Variants in NALF1 observed in about 807,000 individuals in gnomAD.
The protein encoded by NALF1 is NALCN channel auxiliary factor 1.
Under a neutral mutation model 48.4 loss-of-function variants are expected in NALF1, and 3 were observed. The observed-to-expected ratio is 0.06, with a 90% CI of 0.03 to 0.16. The LOEUF is 0.16. NALF1 is among the 10% of genes least tolerant of loss of function. NALF1 has a pLI of 1.00. For missense variants in NALF1, 526 were observed against 571.5 expected (o/e 0.92, Z 0.81); for synonymous variants, 262 against 245.7 (o/e 1.07, Z -0.62).
At chr13:107,248,447 A>G (rs920399445) in intron 1 of NALF1, among the ~76,000 whole-genome samples, 9 of 151,838 alleles carry the variant, frequency 5.9e-5, no homozygotes, top group Non-Finnish European at 1.2e-4. Flanking sequence ...TAATCCATTC[A>G]TAAACCTAAA....
intron 1 of NALF1, among the ~76,000 whole-genome samples, chr13:107,859,672 G>T (rs1465173194): frequency 1.3e-5 from 2 of 152,120 alleles, no homozygotes; most frequent in Non-Finnish European, 2.9e-5. Context: ...GAAGGCCGAG[G>T]TGGGTGGATC....
intron 1 of NALF1, among the ~76,000 whole-genome samples, chr13:107,485,355 TC>T (rs1235281480): frequency 6.6e-6 from 1 of 152,146 alleles, no homozygotes; most frequent in Non-Finnish European, 1.5e-5. Flanking sequence ...TCCCATCAGT[TC>T]CTTTCCTGTT....
At chr13:107,260,029 T>C (rs559140198) in intron 1 of NALF1, among the ~76,000 whole-genome samples, 12 of 152,302 alleles carry the variant, frequency 7.9e-5, no homozygotes, top group Admixed American at 6.5e-4. Context: ...GAGGCATAGC[T>C]CTGAAACATG....
intron 1 of NALF1, among the ~76,000 whole-genome samples, chr13:107,599,815 T>C (rs1002766187): frequency 2.6e-5 from 4 of 152,216 alleles, no homozygotes; most frequent in Admixed American, 1.3e-4. Context: ...ACAAGTTGTA[T>C]AGAGTATGTT....
At chr13:107,585,085 A>G (rs773812398) in intron 1 of NALF1, among the ~76,000 whole-genome samples, 1 of 152,198 alleles carries the variant, frequency 6.6e-6, no homozygotes, top group African/African-American at 2.4e-5. Context: ...CTTGCCTACC[A>G]TATTAAGATA....
chr13:107,398,529 T>G (rs1489575795), intron 1 of NALF1, among the ~76,000 whole-genome samples: 2 of 152,182 alleles, frequency 1.3e-5, no homozygotes, highest in African/African-American at 4.8e-5. Flanking sequence ...TATTCTTGGA[T>G]AGAATGAGTA....
chr13:107,457,179 T>C (rs541516109), intron 1 of NALF1, among the ~76,000 whole-genome samples: 1 of 152,290 alleles, frequency 6.6e-6, no homozygotes, highest in African/African-American at 2.4e-5. Context: ...TATTTTCGAA[T>C]AGTTTATGGT....
intron 1 of NALF1, among the ~76,000 whole-genome samples, chr13:107,659,245 C>T (rs766649643): frequency 5.3e-5 from 8 of 152,100 alleles, no homozygotes; most frequent in Non-Finnish European, 1.2e-4. Flanking sequence ...GAATCAGGAA[C>T]CATTTCTTTG....
chr13:107,299,335 G>A (rs1881788659), intron 1 of NALF1, among the ~76,000 whole-genome samples: 1 of 151,860 alleles, frequency 6.6e-6, no homozygotes, highest in Non-Finnish European at 1.5e-5. Context: ...GGAGGCTGAG[G>A]CAGGAGAATT....
intron 1 of NALF1, among the ~76,000 whole-genome samples, chr13:107,611,234 T>C (rs969727214): frequency 2.6e-5 from 4 of 151,996 alleles, no homozygotes; most frequent in African/African-American, 7.3e-5. Context: ...TGAAACGGAG[T>C]CCTCTGTCGG....
chr13:107,374,971 A>T (rs1883311618), intron 1 of NALF1, among the ~76,000 whole-genome samples: 2 of 152,226 alleles, frequency 1.3e-5, no homozygotes, highest in African/African-American at 4.8e-5. Context: ...AGAGCAGCAC[A>T]AAACAGACTA....
At chr13:107,826,407 T>G (rs1879522250) in intron 1 of NALF1, among the ~76,000 whole-genome samples, 1 of 152,082 alleles carries the variant, frequency 6.6e-6, no homozygotes, top group Non-Finnish European at 1.5e-5. Flanking sequence ...GTTCAAGAGC[T>G]GCCAAGCCCA....
At chr13:107,854,611 G>A (rs189675337) in intron 1 of NALF1, among the ~76,000 whole-genome samples, 7 of 152,212 alleles carry the variant, frequency 4.6e-5, no homozygotes, top group East Asian at 3.9e-4. Flanking sequence ...GGTGGCTCAC[G>A]CCTGTAATCT....
Position 107,690,634 on chromosome 13 carries a change from A to T in NALF1, c.915+175048T>A, listed in dbSNP as rs1232627149. On this transcript the variant is annotated intron_variant, in intron 1 of 2. Coordinates refer to ENST00000375915, the MANE Select transcript of NALF1 (RefSeq NM_001080396.3). Reference sequence around the variant, plus strand: ...TCAAGGTAGGATAGAGTGTTAATGGAAATAAAAATATCTTTTAGACTAGTT... The same window carrying T: ...TCAAGGTAGGATAGAGTGTTAATGGTAATAAAAATATCTTTTAGACTAGTT... Among the ~76,000 whole-genome samples the T allele has an allele frequency of 2.0e-5, 3 of 152,214 alleles. No homozygotes were observed. The East Asian group carries it at 5.8e-4, about 29-fold the overall frequency.
chr13:107,342,705 T>C (rs1312564561), intron 1 of NALF1, among the ~76,000 whole-genome samples: 1 of 152,196 alleles, frequency 6.6e-6, no homozygotes, highest in Non-Finnish European at 1.5e-5. Flanking sequence ...CATAAAATGT[T>C]TTATGTTAGC....
intron 1 of NALF1, among the ~76,000 whole-genome samples, chr13:107,366,106 A>G: frequency 6.6e-6 from 1 of 152,250 alleles, no homozygotes; most frequent in East Asian, 1.9e-4. Context: ...CTTTGATAGA[A>G]ACAATAAAGT....
At chr13:107,638,207 A>ATATATATATATATATATGT (rs533265281) in intron 1 of NALF1, among the ~76,000 whole-genome samples, 1 of 142,634 alleles carries the variant, frequency 7.0e-6, no homozygotes, top group African/African-American at 2.5e-5. Context: ...ATATATATAT[A>ATATATATATATATATATGT]ATTTAAGATG....
chr13:107,758,831 T>C (rs1456375295), intron 1 of NALF1, among the ~76,000 whole-genome samples: 2 of 152,212 alleles, frequency 1.3e-5, no homozygotes, highest in Non-Finnish European at 2.9e-5. Context: ...ATAAAATGTT[T>C]AGGTATAGAA....
At chr13:107,799,730 G>A (rs1319302299) in intron 1 of NALF1, among the ~76,000 whole-genome samples, 1 of 152,138 alleles carries the variant, frequency 6.6e-6, no homozygotes, top group Non-Finnish European at 1.5e-5. Flanking sequence ...TTGATAATTT[G>A]AAAAGTGTGT....
Sources: allele counts gnomAD v4.1 joint callset (sites outside exome capture counted in the v4.1 genomes callset), GRCh38; gene constraint gnomAD v4.1.1; transcripts MANE v1.5; gene names NCBI Gene and HGNC (gene_info 2026-07-23, HGNC 2026-07-21).